NR3C2: variants seen among roughly 807,000 people sequenced by gnomAD.
The protein encoded by NR3C2 is mineralocorticoid receptor.
Under a neutral mutation model 86.4 loss-of-function variants are expected in NR3C2, and 15 were observed. That is an observed-to-expected ratio of 0.17 (90% CI 0.12 to 0.27). The LOEUF (loss-of-function observed/expected upper bound fraction) is 0.27. Among genes scored for constraint, NR3C2 ranks in the 10% least tolerant of loss-of-function variants. The pLI is 1.00. For missense variants in NR3C2, 960 were observed against 1,195.6 expected (o/e 0.80, Z 2.91); for synonymous variants, 458 against 450.5 (o/e 1.02, Z -0.21).
At chr4:148,130,596 G>A (rs1432431274) in intron 6 of NR3C2, among the ~76,000 whole-genome samples, 1 of 152,112 alleles carries the variant, frequency 6.6e-6, no homozygotes, top group East Asian at 1.9e-4. Context: ...TTTTTGTATG[G>A]TGCATAGGTC....
intron 2 of NR3C2, among the ~76,000 whole-genome samples, chr4:148,354,435 G>A (rs1210599914): frequency 6.6e-6 from 1 of 152,058 alleles, no homozygotes; most frequent in Non-Finnish European, 1.5e-5. Context: ...GGTTGTCAGT[G>A]TCCCTAACCC....
At chr4:148,396,287 A>G (rs1241103876) in intron 2 of NR3C2, among the ~76,000 whole-genome samples, 2 of 152,222 alleles carry the variant, frequency 1.3e-5, no homozygotes, top group Non-Finnish European at 2.9e-5. Flanking sequence ...CTAAAAATTC[A>G]TATGTTAGTA....
chr4:148,319,613 C>T (rs1266386476), intron 2 of NR3C2, among the ~76,000 whole-genome samples: 4 of 149,390 alleles, frequency 2.7e-5, no homozygotes, highest in Non-Finnish European at 5.9e-5. Context: ...AGTTGGATTC[C>T]TAGGTATTTT....
intron 6 of NR3C2, 124 bp downstream of exon 6, chr4:148,152,345 C>T (rs533318408): frequency 7.7e-6 from 8 of 1,043,692 alleles, no homozygotes; most frequent in Non-Finnish European, 1.1e-5. Flanking sequence ...AAATTTTTAA[C>T]GTTAAAAAAT....
intron 2 of NR3C2, among the ~76,000 whole-genome samples, chr4:148,285,558 T>A (rs1741477104): frequency 1.3e-5 from 2 of 152,008 alleles, no homozygotes; most frequent in South Asian, 2.1e-4. Context: ...AACACAAAAA[T>A]TATTTGGGCG....
chr4:148,163,388 C>A (rs1031948770), intron 4 of NR3C2, among the ~76,000 whole-genome samples: 4 of 152,182 alleles, frequency 2.6e-5, no homozygotes, highest in African/African-American at 9.7e-5. Flanking sequence ...TGAAAGAAAT[C>A]TCTCTGGCTC....
At chr4:148,182,220 GT>G (rs1469300109) in intron 4 of NR3C2, among the ~76,000 whole-genome samples, 1 of 152,158 alleles carries the variant, frequency 6.6e-6, no homozygotes, top group Non-Finnish European at 1.5e-5. Context: ...TTTAATTCAT[GT>G]TTTTAATTTT....
chr4:148,280,695 G>A (rs1741190540), intron 2 of NR3C2, among the ~76,000 whole-genome samples: 1 of 152,032 alleles, frequency 6.6e-6, no homozygotes. Context: ...TGTAGAGATA[G>A]GGTCTCACTA....
intron 2 of NR3C2, among the ~76,000 whole-genome samples, chr4:148,364,437 C>T (rs1333226467): frequency 6.6e-6 from 1 of 152,142 alleles, no homozygotes; most frequent in East Asian, 1.9e-4. Context: ...GGTAATGTTT[C>T]TGGAACTATA....
At chr4:148,122,318 T>C (rs1409670717) in intron 6 of NR3C2, among the ~76,000 whole-genome samples, 2 of 152,182 alleles carry the variant, frequency 1.3e-5, no homozygotes, top group African/African-American at 2.4e-5. Context: ...GATCTTCACA[T>C]TGTTTTTCTT....
intron 3 of NR3C2, among the ~76,000 whole-genome samples, chr4:148,222,273 T>C (rs1283766055): frequency 2.6e-5 from 4 of 152,338 alleles, no homozygotes; most frequent in Non-Finnish European, 2.9e-5. Flanking sequence ...TTATTTGCAA[T>C]TATGCGGAAT....
At chr4:148,207,316 C>T (rs970102283) in intron 3 of NR3C2, among the ~76,000 whole-genome samples, 1 of 152,188 alleles carries the variant, frequency 6.6e-6, no homozygotes, top group Non-Finnish European at 1.5e-5. Context: ...AGGATTCAAA[C>T]TCAAGTCTGA....
At chr4:148,184,970 T>C (rs1056129744) in intron 4 of NR3C2, among the ~76,000 whole-genome samples, 7 of 152,158 alleles carry the variant, frequency 4.6e-5, no homozygotes, top group African/African-American at 1.2e-4. Context: ...TACCAAAACA[T>C]GGGGCCATAA....
chr4:148,179,685 A>C (rs1482922448), intron 4 of NR3C2, among the ~76,000 whole-genome samples: 1 of 151,796 alleles, frequency 6.6e-6, no homozygotes, highest in Non-Finnish European at 1.5e-5. Flanking sequence ...TATTGAGCGC[A>C]AATTATAATC....
chr4:148,432,844 CT>C (rs1328736888), intron 2 of NR3C2, among the ~76,000 whole-genome samples: 1 of 152,096 alleles, frequency 6.6e-6, no homozygotes, highest in Non-Finnish European at 1.5e-5. Flanking sequence ...AGCTTTTACT[CT>C]GGTAATCATC....
chr4:148,303,888 C>A (rs765281099), intron 2 of NR3C2, among the ~76,000 whole-genome samples: 2 of 152,216 alleles, frequency 1.3e-5, no homozygotes, highest in Non-Finnish European at 2.9e-5. Context: ...TATTTCCACT[C>A]CCTAGATCCC....
chr4:148,398,243 T>C (rs1747960328), intron 2 of NR3C2, among the ~76,000 whole-genome samples: 1 of 152,240 alleles, frequency 6.6e-6, no homozygotes, highest in Admixed American at 6.5e-5. Context: ...TGATCATATC[T>C]TTTTAGGAGA....
rs113241581 is a variant in NR3C2 at position 148,090,479 on chromosome 4, C to T, written c.2800-8980G>A. Among the ~76,000 whole-genome samples, 13 of 152,294 alleles carry T rather than the reference C, an allele frequency of 8.5e-5. 1 individual carries two copies. The highest frequency in any genetic ancestry group is 3.3e-4 in the Admixed American group (5 of 15,302). ...CATATTGATACACAGGTGACAGCAA[C>T]GCTGACACATATGTACTAAGAAAAG... On this transcript the variant is annotated intron_variant, in intron 8 of 8. Transcript: ENST00000358102.
At chr4:148,092,383 T>C (rs1415700402) in intron 8 of NR3C2, among the ~76,000 whole-genome samples, 2 of 152,140 alleles carry the variant, frequency 1.3e-5, no homozygotes, top group African/African-American at 4.8e-5. Context: ...TGCAAGCTCC[T>C]TGATGGAGGA....
Sources: allele counts gnomAD v4.1 joint callset (sites outside exome capture counted in the v4.1 genomes callset), GRCh38; gene constraint gnomAD v4.1.1; transcripts MANE v1.5; gene names NCBI Gene and HGNC (gene_info 2026-07-23, HGNC 2026-07-21).